ZRANB3: variants seen among roughly 807,000 people sequenced by gnomAD.
ZRANB3 encodes the protein DNA annealing helicase and endonuclease ZRANB3.
In ZRANB3, 125 loss-of-function variants were observed where a neutral mutation model predicts 133.8. The observed-to-expected ratio is 0.93, with a 90% CI of 0.81 to 1.08. The LOEUF is 1.08. ZRANB3 is among the 50% of genes least tolerant of loss of function. The pLI, the probability that ZRANB3 is intolerant of heterozygous loss-of-function variation, is 0.00. For missense variants in ZRANB3, 1,229 were observed against 1,275.5 expected, an observed-to-expected ratio of 0.96 and a Z score of 0.56; for synonymous variants, 387 against 432.7, an observed-to-expected ratio of 0.89 and a Z score of 1.31.
At chr2:135,505,040 C>A (rs377062297) in intron 1 of ZRANB3, among the ~76,000 whole-genome samples, 3 of 151,922 alleles carry the variant, frequency 2.0e-5, no homozygotes, top group South Asian at 4.2e-4. Flanking sequence ...AAAATTAATT[C>A]TTTTTAATGA....
At position 135,283,470 on chromosome 2, in the gene ZRANB3, C is replaced by T. The variant is rs115722974; in HGVS notation, c.967-7715G>A. ...CTAAAATACAAAAAAACTAGCTGGG[C>T]GTGGTGATGCACACCTGTAGTCCCA... On this transcript the variant is annotated intron_variant, in intron 8 of 20. Coordinates refer to ENST00000264159, the MANE Select transcript of ZRANB3 (RefSeq NM_032143.4). Among the ~76,000 whole-genome samples, 1,075 of 151,832 alleles carry T rather than the reference C, an allele frequency of 7.1e-3. 11 individuals carry two copies. Among genetic ancestry groups the T allele is most frequent in the African/African-American group, 0.024 (1,004 of 41,386 alleles).
At chr2:135,507,149 A>C (rs1204838814) in intron 1 of ZRANB3, among the ~76,000 whole-genome samples, 1 of 152,258 alleles carries the variant, frequency 6.6e-6, no homozygotes, top group Non-Finnish European at 1.5e-5. Flanking sequence ...CATGTAGAGA[A>C]TAACAGAAAT....
rs199835442 is a variant in ZRANB3 at position 135,345,591 on chromosome 2, T to A, written c.636A>T (p.Arg212Ser). 234 of 1,613,070 alleles carry A rather than the reference T, an allele frequency of 1.5e-4. No individual in the cohort carries two copies. The African/African-American group carries it at 2.6e-3, about 18-fold the overall frequency. ...AGTATCTTTTTGCATAGTCGGTCCA[T>A]CTTCCAAATTTTTGTGGAAAGAGAG... Reference protein sequence around the residue: ...IEALFPQKFGRWTDYAKRYCN... With the variant: ...IEALFPQKFGSWTDYAKRYCN... Residue 212 changes from arginine (R) to serine (S), a missense_variant, in exon 6 of 21, where the codon AGA (arginine) becomes AGT (serine). Transcript: ENST00000264159.
intron 15 of ZRANB3, among the ~76,000 whole-genome samples, chr2:135,223,246 C>G (rs1694624951): frequency 6.7e-6 from 1 of 150,270 alleles, no homozygotes; most frequent in Non-Finnish European, 1.5e-5. Context: ...GCGAGACTGT[C>G]CTAAAAAAAA....
chr2:135,254,757 T>C (rs529001069), intron 12 of ZRANB3, among the ~76,000 whole-genome samples: 1 of 152,242 alleles, frequency 6.6e-6, no homozygotes, highest in East Asian at 1.9e-4. Flanking sequence ...ACATTTTCTT[T>C]TTTTTTTCTT....
chr2:135,517,648 A>C (rs1424223375), intron 1 of ZRANB3, among the ~76,000 whole-genome samples: 1 of 151,912 alleles, frequency 6.6e-6, no homozygotes, highest in Non-Finnish European at 1.5e-5. Context: ...CTCTGGGAGG[A>C]GGCACTGCCA....
intron 4 of ZRANB3, among the ~76,000 whole-genome samples, chr2:135,352,790 G>A (rs999826073): frequency 6.6e-6 from 1 of 152,076 alleles, no homozygotes; most frequent in Non-Finnish European, 1.5e-5. Context: ...TTCAGAAATA[G>A]ATAACTTTGA....
intron 2 of ZRANB3, among the ~76,000 whole-genome samples, chr2:135,485,228 C>A (rs948826256): frequency 6.0e-5 from 9 of 150,378 alleles, no homozygotes; most frequent in Non-Finnish European, 1.3e-4. Context: ...AAACACAGTT[C>A]CAAAGTAGGA....
chr2:135,506,547 G>A (rs1342669242), intron 1 of ZRANB3, among the ~76,000 whole-genome samples: 2 of 152,064 alleles, frequency 1.3e-5, no homozygotes, highest in Middle Eastern at 3.4e-3. Flanking sequence ...TTGTGCTGTC[G>A]CATACACCAT....
In ZRANB3 at chr2:135,269,070, TTGTTTTATA is replaced by T; in HGVS notation, c.1269_1277del (p.His423_Lys425del). The T allele has an allele frequency of 6.2e-7, 1 of 1,613,136 alleles. No homozygotes were observed. Among genetic ancestry groups the T allele is most frequent in the Non-Finnish European group, 8.5e-7 (1 of 1,179,702 alleles). ...CAATTCTGTGAGCTCGGTCTTCTGC[TTGTTTTATA>T]TGTCCAGGGTCCCAGTACAACTCAG... On this transcript the variant is annotated inframe_deletion, in exon 11 of 21. Coordinates refer to ENST00000264159, the MANE Select transcript of ZRANB3 (RefSeq NM_032143.4).
intron 3 of ZRANB3, among the ~76,000 whole-genome samples, chr2:135,356,609 A>C (rs1198458188): frequency 6.6e-6 from 1 of 152,166 alleles, no homozygotes; most frequent in African/African-American, 2.4e-5. Flanking sequence ...TAATCTATTA[A>C]ATCTACTAGA....
intron 2 of ZRANB3, among the ~76,000 whole-genome samples, chr2:135,483,228 C>A (rs978626549): frequency 1.3e-5 from 2 of 151,962 alleles, no homozygotes; most frequent in Admixed American, 6.6e-5. Flanking sequence ...TAGAATTCGG[C>A]TGTGAATACA....
At chr2:135,455,125 T>C (rs943482024) in intron 2 of ZRANB3, among the ~76,000 whole-genome samples, 4 of 151,120 alleles carry the variant, frequency 2.6e-5, no homozygotes, top group Non-Finnish European at 2.9e-5. Context: ...GCTCAAACTC[T>C]TTCAGTGTGC....
chr2:135,338,453 G>C (rs1684468508), intron 6 of ZRANB3, among the ~76,000 whole-genome samples: 1 of 152,226 alleles, frequency 6.6e-6, no homozygotes, highest in Non-Finnish European at 1.5e-5. Flanking sequence ...AGCATGCAAA[G>C]TGGACACCAC....
intron 5 of ZRANB3, among the ~76,000 whole-genome samples, chr2:135,347,003 C>A (rs571616292): frequency 9.2e-5 from 14 of 152,262 alleles, no homozygotes; most frequent in African/African-American, 3.4e-4. Context: ...ATGAATTTGC[C>A]TATTCTGGGC....
intron 2 of ZRANB3, among the ~76,000 whole-genome samples, chr2:135,477,165 G>A (rs1016654706): frequency 6.6e-6 from 1 of 151,786 alleles, no homozygotes; most frequent in African/African-American, 2.4e-5. Flanking sequence ...CTTTTTCTCT[G>A]TTATGTGTAA....
intron 1 of ZRANB3, among the ~76,000 whole-genome samples, chr2:135,515,276 T>C (rs1693653088): frequency 6.6e-6 from 1 of 152,092 alleles, no homozygotes; most frequent in African/African-American, 2.4e-5. Context: ...CTGGGCTGTT[T>C]TGGTTGGTAG....
At chr2:135,358,791 GT>G (rs1685548468) in intron 3 of ZRANB3, among the ~76,000 whole-genome samples, 1 of 152,024 alleles carries the variant, frequency 6.6e-6, no homozygotes, top group Non-Finnish European at 1.5e-5. Flanking sequence ...ATTTTTTGAT[GT>G]TTACATGCAA....
chr2:135,490,534 C>T (rs1350287567), intron 2 of ZRANB3, among the ~76,000 whole-genome samples: 3 of 152,122 alleles, frequency 2.0e-5, no homozygotes, highest in African/African-American at 7.2e-5. Context: ...GGAATCCTTG[C>T]ACACTGTTGG....
Sources: gnomAD v4.1 joint callset for allele counts (sites outside exome capture counted in the v4.1 genomes callset) on GRCh38, gnomAD v4.1.1 for gene constraint, MANE v1.5 for transcripts, NCBI Gene and HGNC (gene_info 2026-07-23, HGNC 2026-07-21) for gene names.